Variants in XIRP2 observed in about 807,000 individuals in gnomAD.
The protein encoded by XIRP2 is xin actin binding repeat containing 2, also known as xin actin-binding repeat-containing protein 2.
XIRP2 carries 236 observed loss-of-function variants against 277.0 expected under a neutral mutation model. The ratio of observed to expected loss-of-function variants is 0.85; its 90% CI spans 0.77 to 0.95. The LOEUF (loss-of-function observed/expected upper bound fraction) is 0.95, where lower values mean the gene tolerates loss of function less well. Among genes scored for constraint, XIRP2 ranks in the 40% least tolerant of loss-of-function variants. The pLI is 0.00. For missense variants in XIRP2, 4,640 were observed against 4,157.5 expected (o/e 1.12, Z -3.19); for synonymous variants, 1,490 against 1,416.5 (o/e 1.05, Z -1.17).
intron 2 of XIRP2, among the ~76,000 whole-genome samples, chr2:166,925,637 A>G (rs1685169075): frequency 1.4e-5 from 2 of 146,870 alleles, no homozygotes; most frequent in Non-Finnish European, 3.0e-5. Flanking sequence ...ACATATAAGT[A>G]TATATATAAA....
At chr2:167,034,323 T>C (rs553122927) in intron 2 of XIRP2, among the ~76,000 whole-genome samples, 1 of 151,972 alleles carries the variant, frequency 6.6e-6, no homozygotes, top group East Asian at 1.9e-4. Context: ...ATCAAGATAT[T>C]AAAACATACC....
rs758423050 is a variant in XIRP2 at position 167,254,066 on chromosome 2, T to G, written c.10590T>G (p.Thr3530=). ...AAAPRQGNMY[T]LSKDSLSNGV... ...CTCCAAGACAAGGAAATATGTATAC[T>G]TTGTCAAAAGACAGTTTATCCAATG... The change falls in exon 10 of 11, where the codon ACT becomes ACG. Residue 3530 remains threonine, a synonymous_variant. Transcript: ENST00000409195. The G allele has an allele frequency of 8.7e-6, 14 of 1,605,502 alleles. No homozygotes were observed. The East Asian group carries it at 2.9e-4, about 33-fold the overall frequency.
chr2:167,139,321 G>T (rs1465175374), intron 3 of XIRP2, among the ~76,000 whole-genome samples: 1 of 151,910 alleles, frequency 6.6e-6, no homozygotes, highest in African/African-American at 2.4e-5. Context: ...ATATGACTTG[G>T]AGTTTTTTAA....
intron 2 of XIRP2, among the ~76,000 whole-genome samples, chr2:166,970,455 C>G (rs1686549849): frequency 6.6e-6 from 1 of 151,916 alleles, no homozygotes; most frequent in East Asian, 1.9e-4. Context: ...TGTTGTTGCA[C>G]TATTCCCTTT....
At chr2:167,024,005 A>G (rs1386223099) in intron 2 of XIRP2, among the ~76,000 whole-genome samples, 1 of 152,144 alleles carries the variant, frequency 6.6e-6, no homozygotes, top group Non-Finnish European at 1.5e-5. Flanking sequence ...AGTCATTGGT[A>G]GCTTGATGGG....
intron 1 of XIRP2, among the ~76,000 whole-genome samples, chr2:166,894,520 C>G (rs561800568): frequency 1.1e-4 from 17 of 152,274 alleles, no homozygotes; most frequent in Admixed American, 9.8e-4. Flanking sequence ...TAAAAATGCA[C>G]TAATTGAGTT....
At chr2:166,931,375 C>G (rs1220903338) in intron 2 of XIRP2, among the ~76,000 whole-genome samples, 1 of 152,172 alleles carries the variant, frequency 6.6e-6, no homozygotes, top group Admixed American at 6.6e-5. Context: ...GTGAGCATCT[C>G]TTAGAGCAAA....
At chr2:167,164,764 A>G (rs78619028) in intron 3 of XIRP2, among the ~76,000 whole-genome samples, 15,038 of 152,140 alleles carry the variant, frequency 0.099, 796 homozygotes, top group South Asian at 0.16. Context: ...GAAAAATTAA[A>G]CAGAAGGTAT....
At chr2:166,963,795 T>C (rs1381857847) in intron 2 of XIRP2, among the ~76,000 whole-genome samples, 1 of 151,758 alleles carries the variant, frequency 6.6e-6, no homozygotes, top group Admixed American at 6.6e-5. Context: ...CATCTTGAAA[T>C]TTACTGTAAG....
chr2:167,033,715 G>A (rs1574188718), intron 2 of XIRP2, among the ~76,000 whole-genome samples: 1 of 152,024 alleles, frequency 6.6e-6, no homozygotes, highest in Admixed American at 6.6e-5. Context: ...CAGGCCAAGA[G>A]AGAATGGCAT....
intron 2 of XIRP2, among the ~76,000 whole-genome samples, chr2:167,045,054 A>T (rs972195403): frequency 6.6e-6 from 1 of 152,144 alleles, no homozygotes; most frequent in Non-Finnish European, 1.5e-5. Flanking sequence ...AGAAAAAAAC[A>T]GGTGGACCAA....
chr2:167,001,445 G>A (rs1168249679), intron 2 of XIRP2, among the ~76,000 whole-genome samples: 1 of 152,044 alleles, frequency 6.6e-6, no homozygotes, highest in African/African-American at 2.4e-5. Context: ...ATAAACAATA[G>A]TTTCAAAATG....
chr2:167,079,664 C>T (rs1293316922), intron 2 of XIRP2, among the ~76,000 whole-genome samples: 1 of 151,810 alleles, frequency 6.6e-6, no homozygotes, highest in African/African-American at 2.4e-5. Context: ...TTTTTTATTT[C>T]TAGTGGATCA....
intron 2 of XIRP2, among the ~76,000 whole-genome samples, chr2:167,012,552 A>G (rs1687709013): frequency 1.3e-5 from 2 of 151,666 alleles, no homozygotes; most frequent in African/African-American, 4.8e-5. Context: ...ATCTACACTT[A>G]AGAGCCTTTC....
At chr2:166,975,649 G>A (rs981809642) in intron 2 of XIRP2, among the ~76,000 whole-genome samples, 3 of 152,098 alleles carry the variant, frequency 2.0e-5, no homozygotes, top group Non-Finnish European at 4.4e-5. Context: ...ATTGTGGCCG[G>A]GCGCGGTGGC....
chr2:167,030,391 C>T (rs543349156), intron 2 of XIRP2, among the ~76,000 whole-genome samples: 4 of 152,114 alleles, frequency 2.6e-5, no homozygotes, highest in South Asian at 2.1e-4. Flanking sequence ...TTATCTGGGC[C>T]GTAGATATTC....
At chr2:166,895,914 T>C (rs1684228719) in intron 1 of XIRP2, among the ~76,000 whole-genome samples, 1 of 152,200 alleles carries the variant, frequency 6.6e-6, no homozygotes, top group Non-Finnish European at 1.5e-5. Flanking sequence ...TCATGACTAC[T>C]ACATAGATAT....
intron 3 of XIRP2, among the ~76,000 whole-genome samples, chr2:167,162,154 C>G (rs563157546): frequency 5.3e-5 from 8 of 152,320 alleles, no homozygotes; most frequent in African/African-American, 1.9e-4. Flanking sequence ...AGCCATTCAA[C>G]AAGTCTCTAG....
chr2:167,034,716 G>A (rs940226026), intron 2 of XIRP2, among the ~76,000 whole-genome samples: 1 of 152,162 alleles, frequency 6.6e-6, no homozygotes, highest in Admixed American at 6.5e-5. Flanking sequence ...TGATAAAGGA[G>A]TCAATTCAGC....
Sources: gnomAD v4.1 joint callset for allele counts (sites outside exome capture counted in the v4.1 genomes callset) on GRCh38, gnomAD v4.1.1 for gene constraint, MANE v1.5 for transcripts, NCBI Gene and HGNC (gene_info 2026-07-23, HGNC 2026-07-21) for gene names.